The following KCNIP4 variants were observed in gnomAD, a reference collection of about 807,000 sequenced individuals.
KCNIP4 encodes the protein Kv channel-interacting protein 4.
In KCNIP4, 12 loss-of-function variants were observed where a neutral mutation model predicts 34.0. That is an observed-to-expected ratio of 0.35 (90% confidence interval 0.23 to 0.57). KCNIP4 has a LOEUF of 0.57. Among genes scored for constraint, KCNIP4 ranks in the 20% least tolerant of loss-of-function variants. KCNIP4 has a pLI of 0.83. For missense variants in KCNIP4, 238 were observed against 311.7 expected (o/e 0.76, Z 1.78); for synonymous variants, 124 against 102.2 (o/e 1.21, Z -1.29).
At chr4:21,439,986 C>T (rs1479903615) in intron 1 of KCNIP4, among the ~76,000 whole-genome samples, 1 of 152,212 alleles carries the variant, frequency 6.6e-6, no homozygotes, top group African/African-American at 2.4e-5. Flanking sequence ...ACCTACCTCA[C>T]CTTAGAGATC....
intron 1 of KCNIP4, among the ~76,000 whole-genome samples, chr4:21,657,563 G>A (rs1748065847): frequency 6.6e-6 from 1 of 152,132 alleles, no homozygotes; most frequent in Non-Finnish European, 1.5e-5. Context: ...TAGTAGTTAG[G>A]ATTATTATTT....
chr4:21,483,080 G>A (rs1384161388), intron 1 of KCNIP4, among the ~76,000 whole-genome samples: 1 of 137,986 alleles, frequency 7.2e-6, no homozygotes, highest in Non-Finnish European at 1.6e-5. Context: ...GCCTGTTGTG[G>A]GGTGGGGGAG....
At chr4:21,685,779 GTGTTAAGGAC>G (rs1750760877) in intron 1 of KCNIP4, among the ~76,000 whole-genome samples, 1 of 152,178 alleles carries the variant, frequency 6.6e-6, no homozygotes, top group Non-Finnish European at 1.5e-5. Flanking sequence ...TGTTGCCATT[GTGTTAAGGAC>G]TTGTACCACT....
intron 1 of KCNIP4, among the ~76,000 whole-genome samples, chr4:21,711,610 G>T (rs561102494): frequency 6.6e-6 from 1 of 152,108 alleles, no homozygotes; most frequent in East Asian, 1.9e-4. Flanking sequence ...CTTTGAAAAA[G>T]AAATACAGAT....
At chr4:20,834,893 G>A (rs1285929538) in intron 3 of KCNIP4, among the ~76,000 whole-genome samples, 1 of 152,156 alleles carries the variant, frequency 6.6e-6, no homozygotes, top group Non-Finnish European at 1.5e-5. Context: ...ATATATAGTT[G>A]TCATTTACTG....
rs1291924003 is a variant in KCNIP4 at position 21,533,812 on chromosome 4, A to G, written c.61+414759T>C. ...CCAATTCCTGCAAATCATGTTAGGA[A>G]GTTACAAGAAAGTAAAAAGATTCAT... On this transcript the variant is annotated intron_variant, in intron 1 of 8. Coordinates refer to ENST00000382152, the MANE Select transcript of KCNIP4 (RefSeq NM_025221.6). Among the ~76,000 whole-genome samples, 3 of 152,304 alleles carry G rather than the reference A, an allele frequency of 2.0e-5. No individual in the cohort carries two copies. In the East Asian group the frequency reaches 5.8e-4, roughly 29 times the overall value.
intron 1 of KCNIP4, among the ~76,000 whole-genome samples, chr4:21,455,810 TATATATATATATATATATATATATATATA>T (rs1728891034): frequency 5.9e-5 from 4 of 68,002 alleles, no homozygotes; most frequent in African/African-American, 2.5e-4. Context: ...CAGATATTCA[TATATATATATATATATATATATATATATA>T]TATATATATA....
At chr4:20,913,605 C>A (rs1728539786) in intron 1 of KCNIP4, among the ~76,000 whole-genome samples, 1 of 152,166 alleles carries the variant, frequency 6.6e-6, no homozygotes. Flanking sequence ...AACTTCCTTA[C>A]TTCTAAGGCT....
intron 1 of KCNIP4, among the ~76,000 whole-genome samples, chr4:20,982,725 T>A (rs1158214): frequency 6.6e-6 from 1 of 152,350 alleles, no homozygotes; most frequent in Admixed American, 6.5e-5. Flanking sequence ...AGAAACAACC[T>A]GTATACCGGA....
chr4:21,899,075 G>C (rs1727563269), intron 1 of KCNIP4, among the ~76,000 whole-genome samples: 1 of 152,156 alleles, frequency 6.6e-6, no homozygotes, highest in Admixed American at 6.5e-5. Context: ...AGAACACTAA[G>C]TAAATTTCAT....
At chr4:20,765,971 G>C (rs898797242) in intron 3 of KCNIP4, among the ~76,000 whole-genome samples, 5 of 152,058 alleles carry the variant, frequency 3.3e-5, no homozygotes, top group African/African-American at 9.7e-5. Flanking sequence ...TAATAAGGCA[G>C]TATTACTATT....
At chr4:21,800,683 T>G (rs1720936126) in intron 1 of KCNIP4, among the ~76,000 whole-genome samples, 1 of 152,166 alleles carries the variant, frequency 6.6e-6, no homozygotes, top group Non-Finnish European at 1.5e-5. Flanking sequence ...AAGAAAGGAC[T>G]GAGGCAATAA....
intron 1 of KCNIP4, among the ~76,000 whole-genome samples, chr4:21,261,008 T>C (rs1169503002): frequency 6.6e-6 from 1 of 152,134 alleles, no homozygotes; most frequent in Non-Finnish European, 1.5e-5. Flanking sequence ...AGCTAAACAT[T>C]TATATTAAGA....
At chr4:21,379,846 G>A (rs552663629) in intron 1 of KCNIP4, among the ~76,000 whole-genome samples, 1 of 152,072 alleles carries the variant, frequency 6.6e-6, no homozygotes, top group African/African-American at 2.4e-5. Flanking sequence ...GCTTCTTATT[G>A]TAATTATGTA....
In KCNIP4 at chr4:20,730,228, AACC is replaced by A. The variant is rs1429158714; in HGVS notation, c.706-102_706-100del. The A allele has an allele frequency of 3.6e-6, 5 of 1,396,140 alleles. No individual in the cohort carries two copies. In the Admixed American group the frequency reaches 1.3e-4, roughly 35 times the overall value. The allele number at this position is 1,396,140 out of a possible 1,614,324, so 86.5% of individuals were successfully genotyped here. On this transcript the variant is annotated intron_variant, in intron 8 of 8. Coordinates refer to ENST00000382152, the MANE Select transcript of KCNIP4 (RefSeq NM_025221.6). ...ATTGCCTCCTCCCATCAACCACCTCAACCACCTATGCCAAAAGCTCAAATATTA... is the reference window on the plus strand; with the variant it reads ...ATTGCCTCCTCCCATCAACCACCTCAACCTATGCCAAAAGCTCAAATATTA...
chr4:21,567,121 A>T (rs778652752), intron 1 of KCNIP4, among the ~76,000 whole-genome samples: 8 of 152,152 alleles, frequency 5.3e-5, no homozygotes, highest in Non-Finnish European at 1.0e-4. Flanking sequence ...AATCACTATG[A>T]CAAAGATAGT....
At chr4:21,519,688 A>G (rs1735280671) in intron 1 of KCNIP4, among the ~76,000 whole-genome samples, 1 of 143,258 alleles carries the variant, frequency 7.0e-6, no homozygotes, top group Admixed American at 6.8e-5. Flanking sequence ...GTATGTGTAT[A>G]TACACACGTG....
chr4:20,743,638 T>C (rs1289022405), intron 5 of KCNIP4, among the ~76,000 whole-genome samples: 2 of 152,142 alleles, frequency 1.3e-5, no homozygotes, highest in Non-Finnish European at 1.5e-5. Flanking sequence ...ATTAAAGACT[T>C]AAACATTAGA....
chr4:21,178,304 T>C (rs1464484845), intron 1 of KCNIP4, among the ~76,000 whole-genome samples: 5 of 152,202 alleles, frequency 3.3e-5, no homozygotes, highest in Non-Finnish European at 5.9e-5. Context: ...TTCATCTATT[T>C]CTCCAGTTAG....
Sources: gnomAD v4.1 joint callset for allele counts (sites outside exome capture counted in the v4.1 genomes callset) on GRCh38, gnomAD v4.1.1 for gene constraint, MANE v1.5 for transcripts, NCBI Gene and HGNC (gene_info 2026-07-23, HGNC 2026-07-21) for gene names.